IGF2BP3: variants seen among roughly 807,000 people sequenced by gnomAD.
IGF2BP3 encodes insulin like growth factor 2 mRNA binding protein 3.
IGF2BP3 carries 9 observed loss-of-function variants against 73.8 expected under a neutral mutation model. The ratio of observed to expected loss-of-function variants is 0.12; its 90% confidence interval spans 0.07 to 0.21. IGF2BP3 has a LOEUF of 0.21. IGF2BP3 is among the 10% of genes least tolerant of loss of function. The probability of loss-of-function intolerance (pLI) is 1.00; values close to 1 mark genes in which losing one functional copy is unlikely to be tolerated. For missense variants in IGF2BP3, 542 were observed against 714.0 expected (o/e 0.76, Z 2.75); for synonymous variants, 258 against 256.7 (o/e 1.01, Z -0.05).
At chr7:23,319,820 G>A (rs904075729) in intron 10 of IGF2BP3, among the ~76,000 whole-genome samples, 3 of 152,266 alleles carry the variant, frequency 2.0e-5, no homozygotes, top group Admixed American at 6.5e-5. Context: ...CCAAGCACAG[G>A]ACAGGATTAG....
intron 3 of IGF2BP3, chr7:23,396,516 G>GA (rs796979625): frequency 2.8e-3 from 449 of 159,552 alleles, no homozygotes; most frequent in South Asian, 0.011. Flanking sequence ...GTTTTCTGAA[G>GA]AAAAAAAAAA....
rs575032821 is a variant in IGF2BP3, at chr7:23,353,647, T to G, written c.402-2061A>C. Among the ~76,000 whole-genome samples the G allele has an allele frequency of 6.2e-4, 94 of 152,352 alleles. 1 individual carries two copies. In the Middle Eastern group the frequency reaches 0.037, roughly 61 times the overall value. ...TTCATTAAAAGCATAATTGGGGTTG[T>G]GATGTACACTGCTCTGTGGCTTGTT... On this transcript the variant is annotated intron_variant, in intron 5 of 14. Coordinates refer to ENST00000258729, the MANE Select transcript of IGF2BP3 (RefSeq NM_006547.3).
chr7:23,410,196 A>G (rs1786975074), intron 3 of IGF2BP3, among the ~76,000 whole-genome samples: 1 of 152,028 alleles, frequency 6.6e-6, no homozygotes, highest in Admixed American at 6.6e-5. Flanking sequence ...TAAAGATACA[A>G]AAGAAAAAAA....
In IGF2BP3 at chr7:23,373,750, G is replaced by C. The variant is rs568875378; in HGVS notation, c.286-12009C>G. Among the ~76,000 whole-genome samples, 8 of 152,312 alleles carry C rather than the reference G, an allele frequency of 5.3e-5. No homozygotes were observed. The East Asian group carries it at 9.6e-4, about 18-fold the overall frequency. The stretch of plus-strand genomic sequence containing the variant: ...TTCTTCGAATCTCATGCTGAAATGC[G>C]ATCCCCAGTGTTGGGGATGGGGCCA... On this transcript the variant is annotated intron_variant, in intron 3 of 14. Transcript: ENST00000258729.
intron 3 of IGF2BP3, among the ~76,000 whole-genome samples, chr7:23,395,319 T>C (rs1295067093): frequency 6.6e-6 from 1 of 151,998 alleles, no homozygotes; most frequent in Non-Finnish European, 1.5e-5. Context: ...CAATATACTT[T>C]CCAAAACATC....
At chr7:23,399,181 T>G (rs1365712200) in intron 3 of IGF2BP3, among the ~76,000 whole-genome samples, 2 of 152,124 alleles carry the variant, frequency 1.3e-5, no homozygotes, top group Admixed American at 6.6e-5. Flanking sequence ...TTTCCCCATT[T>G]CTTGTTTTTG....
chr7:23,426,975 G>A (rs1562746796), intron 2 of IGF2BP3, among the ~76,000 whole-genome samples: 1 of 152,168 alleles, frequency 6.6e-6, no homozygotes, highest in African/African-American at 2.4e-5. Context: ...GTAAAGACAG[G>A]ATAAATACTT....
chr7:23,351,822 T>C (rs1028481046), intron 5 of IGF2BP3, among the ~76,000 whole-genome samples: 59 of 152,138 alleles, frequency 3.9e-4, no homozygotes, highest in African/African-American at 1.4e-3. Flanking sequence ...AGACCACAAG[T>C]TTCCAAAGGG....
chr7:23,395,098 A>G (rs1349635597), intron 3 of IGF2BP3, among the ~76,000 whole-genome samples: 1 of 152,256 alleles, frequency 6.6e-6, no homozygotes, highest in African/African-American at 2.4e-5. Flanking sequence ...TTTCACAGCC[A>G]TAAGGAGCAG....
At chr7:23,389,690 G>A (rs917713574) in intron 3 of IGF2BP3, among the ~76,000 whole-genome samples, 1 of 151,974 alleles carries the variant, frequency 6.6e-6, no homozygotes, top group African/African-American at 2.4e-5. Context: ...GAATAGAACT[G>A]AGAGTCAAAA....
intron 10 of IGF2BP3, among the ~76,000 whole-genome samples, chr7:23,320,947 CAAAA>C (rs70966008): frequency 2.1e-5 from 2 of 96,538 alleles, no homozygotes; most frequent in African/African-American, 1.0e-4. Context: ...AACTCTGTCT[CAAAA>C]AAAAAAAAAA....
At chr7:23,338,115 G>A (rs1434213856) in intron 10 of IGF2BP3, among the ~76,000 whole-genome samples, 4 of 152,094 alleles carry the variant, frequency 2.6e-5, no homozygotes, top group Non-Finnish European at 5.9e-5. Context: ...AGACATAACG[G>A]CAACATCCCA....
intron 3 of IGF2BP3, among the ~76,000 whole-genome samples, chr7:23,387,052 C>T (rs1165782119): frequency 7.2e-6 from 1 of 139,826 alleles, no homozygotes; most frequent in African/African-American, 2.7e-5. Context: ...AGCAACACGG[C>T]AAGACTCTGT....
intron 2 of IGF2BP3, among the ~76,000 whole-genome samples, chr7:23,419,968 T>A (rs1284162272): frequency 6.6e-6 from 1 of 152,140 alleles, no homozygotes; most frequent in East Asian, 1.9e-4. Context: ...TCCAAATGCC[T>A]CCCTACACAT....
intron 3 of IGF2BP3, among the ~76,000 whole-genome samples, chr7:23,373,664 G>C (rs1259124501): frequency 6.6e-6 from 1 of 152,140 alleles, no homozygotes; most frequent in Admixed American, 6.6e-5. Context: ...ATTAAAAATA[G>C]ACCTACCATA....
intron 12 of IGF2BP3, among the ~76,000 whole-genome samples, chr7:23,316,417 G>C (rs156416): frequency 0.063 from 9,553 of 152,110 alleles, 556 homozygotes; most frequent in African/African-American, 0.15. Context: ...CACAGTGGCT[G>C]ATGCCTGTAA....
intron 2 of IGF2BP3, among the ~76,000 whole-genome samples, chr7:23,425,638 G>A (rs1463093327): frequency 1.3e-5 from 2 of 152,016 alleles, no homozygotes; most frequent in African/African-American, 4.8e-5. Flanking sequence ...CCTCAATAAT[G>A]TATAATTTGT....
At chr7:23,462,447 C>T (rs1359765975) in intron 2 of IGF2BP3, among the ~76,000 whole-genome samples, 3 of 151,896 alleles carry the variant, frequency 2.0e-5, no homozygotes, top group Admixed American at 2.0e-4. Flanking sequence ...CTGTAAGCTC[C>T]GCCTCCCAGG....
At chr7:23,356,305 T>C (rs893219658) in intron 5 of IGF2BP3, among the ~76,000 whole-genome samples, 8 of 151,968 alleles carry the variant, frequency 5.3e-5, no homozygotes, top group African/African-American at 1.9e-4. Flanking sequence ...CACCTCTAAT[T>C]CTAGCACTCT....
Sources: gnomAD v4.1 joint callset for allele counts (sites outside exome capture counted in the v4.1 genomes callset) on GRCh38, gnomAD v4.1.1 for gene constraint, MANE v1.5 for transcripts, NCBI Gene and HGNC (gene_info 2026-07-23, HGNC 2026-07-21) for gene names.